NDUFA9: variants seen among roughly 807,000 people sequenced by gnomAD.
NDUFA9 encodes NADH dehydrogenase [ubiquinone] 1 alpha subcomplex subunit 9, mitochondrial.
NDUFA9 carries 23 observed loss-of-function variants against 45.9 expected under a neutral mutation model. That is an observed-to-expected ratio of 0.50 (90% CI 0.36 to 0.71). NDUFA9 has a LOEUF of 0.71. Ranked by LOEUF, NDUFA9 falls within the 30% of genes least tolerant of loss-of-function variation. The pLI, the probability that NDUFA9 is intolerant of heterozygous loss-of-function variation, is 0.00. For missense variants in NDUFA9, 466 were observed against 488.2 expected, an observed-to-expected ratio of 0.95 and a Z score of 0.43; for synonymous variants, 176 against 170.5, an observed-to-expected ratio of 1.03 and a Z score of -0.25.
intron 9 of NDUFA9, among the ~76,000 whole-genome samples, chr12:4,684,390 A>T (rs1304899978): frequency 6.6e-6 from 1 of 152,074 alleles, no homozygotes; most frequent in African/African-American, 2.4e-5. Context: ...GATGGGTGAT[A>T]CTCAACGCAT....
chr12:4,692,918 A>T lies in NDUFA9; in HGVS notation c.*5810A>T, dbSNP rs1470257988. 1 of 152,320 alleles carries T rather than the reference A, an allele frequency of 6.6e-6. No individual in the cohort carries two copies. Among genetic ancestry groups the T allele is most frequent in the Non-Finnish European group, 1.5e-5 (1 of 68,148 alleles). 9.4% of individuals were successfully genotyped at this position (152,320 alleles called of 1,614,324 possible). A position where few individuals can be genotyped will look rare whatever the true frequency, so the allele number is the denominator to read the frequency against. On this transcript the variant is annotated 3_prime_UTR_variant, in exon 11 of 11. Transcript: ENST00000266544. Reference sequence around the variant, plus strand: ...GTTCTGTAGGCTGTACAAGCATGGCACTAACATCTGCTTGGCATGAGCCAC... The same window carrying T: ...GTTCTGTAGGCTGTACAAGCATGGCTCTAACATCTGCTTGGCATGAGCCAC...
rs1945998556 is a variant in NDUFA9, at chr12:4,688,094, A to G, written c.*986A>G. Reference sequence around the variant, plus strand: ...TCCACCTGCCCTTTCTGCCTGCATCAGAATCTTTTTATCCCAAAACGGTCA... The same window carrying G: ...TCCACCTGCCCTTTCTGCCTGCATCGGAATCTTTTTATCCCAAAACGGTCA... On this transcript the variant is annotated 3_prime_UTR_variant, in exon 11 of 11. Coordinates refer to ENST00000266544, the MANE Select transcript of NDUFA9 (RefSeq NM_005002.5). 6.6e-6 allele frequency: 1 copy of G among 152,258 alleles called. No individual in the cohort carries two copies. Among genetic ancestry groups the G allele is most frequent in the African/African-American group, 2.4e-5 (1 of 41,452 alleles). 9.4% of individuals were successfully genotyped at this position (152,258 alleles called of 1,614,324 possible). A position where few individuals can be genotyped will look rare whatever the true frequency, so the allele number is the denominator to read the frequency against.
intron 9 of NDUFA9, 115 bp downstream of exon 9, chr12:4,682,415 A>G (rs1945959058): frequency 1.7e-6 from 1 of 592,742 alleles, no homozygotes; most frequent in African/African-American, 1.9e-5. Context: ...CAGATCTCCT[A>G]GTGTTATGAC....
At chr12:4,683,801 G>A (rs542635744) in intron 9 of NDUFA9, among the ~76,000 whole-genome samples, 6 of 152,206 alleles carry the variant, frequency 3.9e-5, no homozygotes, top group Non-Finnish European at 8.8e-5. Context: ...GATGTTTTAA[G>A]AAGGGGAACA....
In NDUFA9 at chr12:4,687,698, T is replaced by C. The variant is rs1945995910; in HGVS notation, c.*590T>C. ...TGCCCTTAGTACCACATCTGGATTA[T>C]TTCAGACACATAGGTGGAGATAGAT... On this transcript the variant is annotated 3_prime_UTR_variant, in exon 11 of 11. Coordinates refer to ENST00000266544, the MANE Select transcript of NDUFA9 (RefSeq NM_005002.5). The C allele has an allele frequency of 6.6e-6, 1 of 152,248 alleles. No homozygotes were observed. The highest frequency in any genetic ancestry group is 6.5e-5 in the Admixed American group (1 of 15,286). 9.4% of individuals were successfully genotyped at this position (152,248 alleles called of 1,614,324 possible).
intron 1 of NDUFA9, among the ~76,000 whole-genome samples, chr12:4,652,033 T>C (rs1945762434): frequency 6.6e-6 from 1 of 152,238 alleles, no homozygotes. Context: ...CTAAAACCTC[T>C]AACATGTGCT....
intron 1 of NDUFA9, among the ~76,000 whole-genome samples, chr12:4,651,724 G>A (rs1332088808): frequency 6.6e-6 from 1 of 152,068 alleles, no homozygotes; most frequent in Non-Finnish European, 1.5e-5. Context: ...TCTTTTGCCT[G>A]TCTTATCCTA....
chr12:4,652,246 T>C (rs1185780692), intron 1 of NDUFA9, among the ~76,000 whole-genome samples: 2 of 152,228 alleles, frequency 1.3e-5, no homozygotes, highest in African/African-American at 4.8e-5. Flanking sequence ...TCATTCCCTT[T>C]CCTGAATCAG....
Position 4,682,280 on chromosome 12 carries a change from C to G in NDUFA9, c.876C>G (p.Pro292=), listed in dbSNP as rs776489086. The G allele has an allele frequency of 1.7e-5, 27 of 1,612,834 alleles. No homozygotes were observed. The Middle Eastern group carries it at 2.3e-3, about 138-fold the overall frequency. ...CTCACAGATTGTTCCTCCCATTCCC[C>G]TTGCCGCTTTTTGCCTATCGGTAAG... ...AVAHRLFLPF[P]LPLFAYRWVA... The change falls in exon 9 of 11, where the codon CCC becomes CCG. Residue 292 remains proline, a synonymous_variant. Coordinates refer to ENST00000266544, the MANE Select transcript of NDUFA9 (RefSeq NM_005002.5).
intron 5 of NDUFA9, among the ~76,000 whole-genome samples, chr12:4,662,227 C>T (rs1442277440): frequency 1.3e-5 from 2 of 152,162 alleles, no homozygotes; most frequent in Non-Finnish European, 2.9e-5. Flanking sequence ...ACCAGAGAAT[C>T]TGTAAATAGA....
intron 8 of NDUFA9, 51 bp downstream of exon 8, chr12:4,669,868 C>A: frequency 1.6e-6 from 2 of 1,267,282 alleles, no homozygotes; most frequent in South Asian, 2.4e-5. Flanking sequence ...ATGAAGGAAT[C>A]AATATCTAAA....
At chr12:4,653,641 T>C in intron 1 of NDUFA9, 2 of 451,786 alleles carry the variant, frequency 4.4e-6, no homozygotes, top group Non-Finnish European at 8.9e-6. Flanking sequence ...ACTTCACTCC[T>C]TTTATCATTA....
At chr12:4,665,531 G>A (rs1377021137) in intron 6 of NDUFA9, among the ~76,000 whole-genome samples, 2 of 152,172 alleles carry the variant, frequency 1.3e-5, no homozygotes, top group East Asian at 3.8e-4. Flanking sequence ...TGTGAATAAT[G>A]CTGCAATGAC....
intron 7 of NDUFA9, 87 bp from the exon 8 acceptor site, chr12:4,669,654 C>G: frequency 1.2e-6 from 1 of 810,452 alleles, no homozygotes. Context: ...CTTCCTTTTT[C>G]TCTTCTTTCC....
chr12:4,654,722 A>G (rs1039465009), intron 2 of NDUFA9, 103 bp from the exon 3 acceptor site: 1 of 1,040,928 alleles, frequency 9.6e-7, no homozygotes, highest in Non-Finnish European at 1.4e-6. Flanking sequence ...TATAATATCA[A>G]TTCACATACC....
At position 4,671,730 on chromosome 12, in the gene NDUFA9, A is replaced by G. The variant is rs1256364106; in HGVS notation, c.800+1913A>G. 3.3e-5 allele frequency among the ~76,000 whole-genome samples: 5 copies of G among 152,304 alleles called. No individual in the cohort carries two copies. The East Asian group carries it at 9.6e-4, about 29-fold the overall frequency. On this transcript the variant is annotated intron_variant, in intron 8 of 10. Transcript: ENST00000266544. The stretch of plus-strand genomic sequence containing the variant: ...TAAGAATTGACGTATAGATGAATTA[A>G]CCAGAATTGATAGTTCAGAAATAAA...
intron 6 of NDUFA9, among the ~76,000 whole-genome samples, chr12:4,667,806 G>A (rs533130356): frequency 7.6e-4 from 114 of 150,826 alleles, no homozygotes; most frequent in African/African-American, 2.7e-3. Flanking sequence ...CACTGTGCCC[G>A]GCCTAATTTC....
rs4147682 is a variant in NDUFA9 at position 4,659,027 on chromosome 12, A to T, written c.411-9A>T. The T allele has an allele frequency of 0.26, 414,554 of 1,606,668 alleles. 55,286 individuals are homozygous for T. Among genetic ancestry groups the T allele is most frequent in the Middle Eastern group, 0.34 (1,858 of 5,420 alleles). ...TTCTTAACCAATCCTTTTATTTTTT[A>T]TCTTCCAGAAACTTTGATTTTGAGG... On this transcript the variant is annotated splice_polypyrimidine_tract_variant and intron_variant, in intron 4 of 10. Coordinates refer to ENST00000266544, the MANE Select transcript of NDUFA9 (RefSeq NM_005002.5).
chr12:4,676,097 A>C (rs1243117655), intron 8 of NDUFA9, among the ~76,000 whole-genome samples: 1 of 152,244 alleles, frequency 6.6e-6, no homozygotes, highest in Non-Finnish European at 1.5e-5. Context: ...ACAGCCCTTC[A>C]TGCTAAGAAC....
Sources: gnomAD v4.1 joint callset for allele counts (sites outside exome capture counted in the v4.1 genomes callset) on GRCh38, gnomAD v4.1.1 for gene constraint, MANE v1.5 for transcripts, NCBI Gene and HGNC (gene_info 2026-07-23, HGNC 2026-07-21) for gene names.